GYPE: variants seen among roughly 807,000 people sequenced by gnomAD.
GYPE encodes the protein glycophorin E (MNS blood group), also known as glycophorin-E.
Under a neutral mutation model 11.6 loss-of-function variants are expected in GYPE, and 8 were observed. The ratio of observed to expected loss-of-function variants is 0.69; its 90% CI spans 0.41 to 1.25. GYPE has a LOEUF of 1.25. GYPE is among the 50% of genes most tolerant of loss of function. The probability of loss-of-function intolerance (pLI) is 0.01; values close to 1 mark genes in which losing one functional copy is unlikely to be tolerated. For synonymous variants in GYPE, 28 were observed against 29.6 expected, an observed-to-expected ratio of 0.94 and a Z score of 0.18; for missense variants, 90 against 92.8, an observed-to-expected ratio of 0.97 and a Z score of 0.12.
At chr4:143,875,265 C>G (rs1743751539) in intron 3 of GYPE, 1 of 565,682 alleles carries the variant, frequency 1.8e-6, no homozygotes. Context: ...ATGGGCTTTA[C>G]ATTTTAAACA....
intron 1 of GYPE, among the ~76,000 whole-genome samples, chr4:143,903,667 T>G (rs2149918569): frequency 6.6e-6 from 1 of 152,086 alleles, no homozygotes; most frequent in African/African-American, 2.4e-5. Flanking sequence ...CCTTGGAGGG[T>G]TTCTGAAGCT....
At chr4:143,876,930 A>G in intron 2 of GYPE, 75 bp from the exon 3 acceptor site, 2 of 798,602 alleles carry the variant, frequency 2.5e-6, no homozygotes, top group Non-Finnish European at 4.4e-6. Flanking sequence ...AAAATAAGAT[A>G]ACATCAGCAT....
chr4:143,884,103 C>A (rs1218384093), intron 1 of GYPE, among the ~76,000 whole-genome samples: 1 of 151,232 alleles, frequency 6.6e-6, no homozygotes, highest in African/African-American at 2.4e-5. Flanking sequence ...CCTTCCCTTC[C>A]CTCTTGGGGC....
intron 1 of GYPE, among the ~76,000 whole-genome samples, chr4:143,894,018 CT>C (rs1318698279): frequency 6.6e-6 from 1 of 152,022 alleles, no homozygotes; most frequent in Non-Finnish European, 1.5e-5. Flanking sequence ...TCTTTTTATT[CT>C]TTTTTCTCTA....
chr4:143,902,736 G>A (rs559599138), intron 1 of GYPE, among the ~76,000 whole-genome samples: 251 of 152,032 alleles, frequency 1.7e-3, no homozygotes, highest in African/African-American at 5.1e-3. Context: ...GGGGATACAC[G>A]GCTGAATAAA....
At chr4:143,893,981 C>T (rs1415946733) in intron 1 of GYPE, among the ~76,000 whole-genome samples, 3 of 152,102 alleles carry the variant, frequency 2.0e-5, no homozygotes, top group Non-Finnish European at 4.4e-5. Context: ...TTCACATATC[C>T]CATATTTCTT....
At chr4:143,894,822 C>T (rs1744562588) in intron 1 of GYPE, among the ~76,000 whole-genome samples, 1 of 152,056 alleles carries the variant, frequency 6.6e-6, no homozygotes, top group Non-Finnish European at 1.5e-5. Context: ...AAGTGGGCTT[C>T]ATCCCTGGGA....
intron 1 of GYPE, among the ~76,000 whole-genome samples, chr4:143,896,291 G>A (rs894349356): frequency 3.3e-5 from 5 of 151,998 alleles, no homozygotes; most frequent in Admixed American, 2.6e-4. Flanking sequence ...AATCTACAAT[G>A]AACTCAAACA....
At chr4:143,885,364 A>C (rs1374879592) in intron 1 of GYPE, among the ~76,000 whole-genome samples, 2 of 152,180 alleles carry the variant, frequency 1.3e-5, no homozygotes, top group Non-Finnish European at 2.9e-5. Context: ...TATTTAGATA[A>C]GTTTTGAGCT....
At chr4:143,902,667 C>CATA (rs1744914510) in intron 1 of GYPE, among the ~76,000 whole-genome samples, 3 of 151,822 alleles carry the variant, frequency 2.0e-5, no homozygotes, top group Non-Finnish European at 2.9e-5. Flanking sequence ...TCACCTCCTT[C>CATA]CTTGCTTATT....
intron 1 of GYPE, among the ~76,000 whole-genome samples, chr4:143,890,845 G>C (rs1402734264): frequency 2.0e-5 from 3 of 151,476 alleles, no homozygotes; most frequent in Non-Finnish European, 4.4e-5. Flanking sequence ...CCCTCAATTC[G>C]CATTTAATTT....
At chr4:143,902,738 C>T (rs6817423) in intron 1 of GYPE, among the ~76,000 whole-genome samples, 1 of 151,992 alleles carries the variant, frequency 6.6e-6, no homozygotes, top group Non-Finnish European at 1.5e-5. Flanking sequence ...GGATACACGG[C>T]TGAATAAAGT....
chr4:143,876,878 CA>C lies in GYPE; in HGVS notation c.137-24del, dbSNP rs1560937420. 5 of 1,366,898 alleles carry C rather than the reference CA, an allele frequency of 3.7e-6. No homozygotes were observed. In the South Asian group the frequency reaches 4.7e-5, roughly 13 times the overall value. The allele number at this position is 1,366,898 out of a possible 1,614,324, so 84.7% of individuals were successfully genotyped here. A position where few individuals can be genotyped will look rare whatever the true frequency, so the allele number is the denominator to read the frequency against. ...TCCCTACAGGAGATAAAGAGAGCGG[CA>C]AAATTATGAAAGTCTGAAATAAATG... On this transcript the variant is annotated intron_variant, in intron 2 of 3. Transcript: ENST00000358615.
chr4:143,896,763 T>A (rs1450401739), intron 1 of GYPE, among the ~76,000 whole-genome samples: 2 of 152,150 alleles, frequency 1.3e-5, no homozygotes, highest in Non-Finnish European at 2.9e-5. Flanking sequence ...AACCCAAATG[T>A]CCAACAATGA....
At chr4:143,872,883 TG>T (rs1743665862) in intron 3 of GYPE, among the ~76,000 whole-genome samples, 1 of 62,066 alleles carries the variant, frequency 1.6e-5, no homozygotes, top group Admixed American at 1.3e-4. Context: ...GGGAGAGGGT[TG>T]AAGGGGGCAG....
At chr4:143,880,751 A>T (rs1391033906) in intron 1 of GYPE, among the ~76,000 whole-genome samples, 1 of 152,198 alleles carries the variant, frequency 6.6e-6, no homozygotes, top group Non-Finnish European at 1.5e-5. Flanking sequence ...TTACAGATAA[A>T]GTGTGCCTTG....
intron 1 of GYPE, among the ~76,000 whole-genome samples, chr4:143,893,750 C>G (rs960841243): frequency 2.0e-5 from 3 of 152,036 alleles, no homozygotes; most frequent in African/African-American, 7.3e-5. Context: ...AGCATTTTTT[C>G]CTTCATTTCA....
At chr4:143,879,036 G>A (rs1418652688) in intron 2 of GYPE, among the ~76,000 whole-genome samples, 4 of 152,270 alleles carry the variant, frequency 2.6e-5, no homozygotes, top group East Asian at 1.9e-4. Context: ...GGCATATGGA[G>A]CCATTACTCC....
chr4:143,902,629 C>T (rs1437914609), intron 1 of GYPE, among the ~76,000 whole-genome samples: 1 of 151,714 alleles, frequency 6.6e-6, no homozygotes, highest in African/African-American at 2.4e-5. Context: ...TTCTCTCCCT[C>T]TCTGCTTATC....
Sources: gnomAD v4.1 joint callset for allele counts (sites outside exome capture counted in the v4.1 genomes callset) on GRCh38, gnomAD v4.1.1 for gene constraint, MANE v1.5 for transcripts, NCBI Gene and HGNC (gene_info 2026-07-23, HGNC 2026-07-21) for gene names.